The following CACNG5 variants were observed in gnomAD, a reference collection of about 807,000 sequenced individuals.
CACNG5 encodes calcium voltage-gated channel auxiliary subunit gamma 5.
A neutral mutation model predicts 24.8 loss-of-function variants in CACNG5; 18 were observed. The observed-to-expected ratio is 0.73, with a 90% CI of 0.50 to 1.08. The LOEUF (loss-of-function observed/expected upper bound fraction) is 1.08. Among genes scored for constraint, CACNG5 ranks in the 50% least tolerant of loss-of-function variants. CACNG5 has a pLI of 0.00. For synonymous variants in CACNG5, 157 were observed against 149.1 expected (o/e 1.05, Z -0.39); for missense variants, 349 against 367.9 (o/e 0.95, Z 0.42).
rs1977363312 is a variant in CACNG5 at position 66,892,846 on chromosome 17, A to G, written c.*7606A>G. On this transcript the variant is annotated 3_prime_UTR_variant, in exon 6 of 6. Coordinates refer to ENST00000533854, the MANE Select transcript of CACNG5 (RefSeq NM_145811.3). ...GTGTCCTAAATGATCAATTCTGGAG[A>G]GCATCCTACAAGGTCTGTTTACAGG... 6.6e-6 allele frequency among the ~76,000 whole-genome samples: 1 copy of G among 152,186 alleles called. No individual in the cohort carries two copies. The highest frequency in any genetic ancestry group is 2.4e-5 in the African/African-American group (1 of 41,426).
At chr17:66,875,206 C>T (rs907811422) in intron 1 of CACNG5, among the ~76,000 whole-genome samples, 8 of 152,158 alleles carry the variant, frequency 5.3e-5, no homozygotes, top group South Asian at 2.1e-4. Flanking sequence ...GGCTTATAGG[C>T]GCTTTACTAG....
chr17:66,885,186 C>T lies in CACNG5; in HGVS notation c.774C>T (p.Tyr258=). ...SEASLQMNSN[Y]PALLKCPDYD... is the part of the protein sequence containing the mutation. ...CCTCCCTGCAGATGAACAGCAACTA[C>T]CCCGCCTTGCTCAAGTGCCCCGACT... Residue 258 remains tyrosine, a synonymous_variant, in exon 6 of 6, where the codon TAC becomes TAT. Transcript: ENST00000533854. 6.2e-7 allele frequency: 1 copy of T among 1,609,178 alleles called. No individual in the cohort carries two copies. The highest frequency in any genetic ancestry group is 8.5e-7 in the Non-Finnish European group (1 of 1,179,564).
rs117904971 is a variant in CACNG5 at position 66,869,376 on chromosome 17, G to A, written c.-103-7854G>A. Among the ~76,000 whole-genome samples, 1,234 of 152,252 alleles carry A rather than the reference G, an allele frequency of 8.1e-3. 8 individuals are homozygous for A. Among genetic ancestry groups the A allele is most frequent in the Non-Finnish European group, 0.014 (954 of 68,014 alleles). ...TGGGATTACAGGTGTGAGCCAACTC[G>A]CCTGGCCAAGTTGTGCTACTTTCTG... On this transcript the variant is annotated intron_variant, in intron 1 of 5. Transcript: ENST00000533854.
At chr17:66,858,336 T>C (rs1440129469) in intron 1 of CACNG5, among the ~76,000 whole-genome samples, 1 of 152,128 alleles carries the variant, frequency 6.6e-6, no homozygotes, top group Non-Finnish European at 1.5e-5. Context: ...AGCCATTTGA[T>C]GACAGCCCAG....
At chr17:66,864,706 T>C (rs1228980925) in intron 1 of CACNG5, among the ~76,000 whole-genome samples, 1 of 152,228 alleles carries the variant, frequency 6.6e-6, no homozygotes, top group East Asian at 1.9e-4. Flanking sequence ...TCAATAAGCA[T>C]GAATAGCTGG....
intron 1 of CACNG5, among the ~76,000 whole-genome samples, chr17:66,836,436 G>A (rs1379274108): frequency 6.6e-6 from 1 of 152,190 alleles, no homozygotes; most frequent in Non-Finnish European, 1.5e-5. Context: ...TGTGGGTGTG[G>A]GACCTTGATT....
In CACNG5 at chr17:66,885,131, G is replaced by T; in HGVS notation, c.719G>T (p.Gly240Val). Residue 240 changes from glycine (G) to valine (V), a missense_variant, in exon 6 of 6, where the codon GGC (glycine) becomes GTC (valine). Gly to Val is a moderately radical substitution (Grantham distance 109). Coordinates refer to ENST00000533854, the MANE Select transcript of CACNG5 (RefSeq NM_145811.3). ...QFLHPDAWVR[G>V]RSPSDISSEA... ...CTACACCCAGACGCCTGGGTCAGGG[G>T]CCGCAGCCCCTCCGACATCTCCAGC... The T allele has an allele frequency of 6.2e-7, 1 of 1,614,008 alleles. No homozygotes were observed. The highest frequency in any genetic ancestry group is 8.5e-7 in the Non-Finnish European group (1 of 1,180,026).
intron 1 of CACNG5, among the ~76,000 whole-genome samples, chr17:66,850,714 A>G (rs1425783195): frequency 6.6e-6 from 1 of 152,134 alleles, no homozygotes; most frequent in East Asian, 1.9e-4. Flanking sequence ...TCCTCCATCC[A>G]TAATGTGGGG....
chr17:66,863,819 A>C (rs1487116960), intron 1 of CACNG5, among the ~76,000 whole-genome samples: 10 of 152,106 alleles, frequency 6.6e-5, no homozygotes, highest in Admixed American at 6.6e-4. Context: ...AACTTTCCTC[A>C]ATTTTTGTTT....
intron 1 of CACNG5, among the ~76,000 whole-genome samples, chr17:66,853,843 G>A (rs1043759825): frequency 7.9e-5 from 12 of 151,930 alleles, no homozygotes; most frequent in African/African-American, 2.7e-4. Flanking sequence ...CATATGTAAC[G>A]GTAAAATGTT....
At chr17:66,839,666 T>G (rs1300520065) in intron 1 of CACNG5, among the ~76,000 whole-genome samples, 3 of 71,606 alleles carry the variant, frequency 4.2e-5, no homozygotes, top group East Asian at 1.7e-3. Flanking sequence ...TGGAGGAACA[T>G]GGAGGGGGGT....
At chr17:66,884,843 C>A (rs770520938) in intron 5 of CACNG5, 140 bp from the exon 6 acceptor site, 1 of 1,613,332 alleles carries the variant, frequency 6.2e-7, no homozygotes, top group African/African-American at 1.3e-5. Flanking sequence ...TCTCCTCCGG[C>A]CAGGATGTCC....
chr17:66,844,962 CA>C (rs1976616683), intron 1 of CACNG5, among the ~76,000 whole-genome samples: 3 of 152,142 alleles, frequency 2.0e-5, no homozygotes, highest in Admixed American at 6.5e-5. Context: ...TCATTTAAAA[CA>C]AAAACTATTC....
intron 1 of CACNG5, among the ~76,000 whole-genome samples, chr17:66,856,399 G>GT (rs1458110236): frequency 2.0e-5 from 3 of 152,160 alleles, no homozygotes; most frequent in Non-Finnish European, 4.4e-5. Flanking sequence ...ACTCAATGTA[G>GT]TTTTTTACCC....
At chr17:66,868,376 C>T (rs1479029640) in intron 1 of CACNG5, among the ~76,000 whole-genome samples, 1 of 152,178 alleles carries the variant, frequency 6.6e-6, no homozygotes, top group Non-Finnish European at 1.5e-5. Flanking sequence ...TGTGGCTTTG[C>T]TTTTAGTCTT....
At chr17:66,858,642 A>G (rs1363473282) in intron 1 of CACNG5, among the ~76,000 whole-genome samples, 3 of 151,876 alleles carry the variant, frequency 2.0e-5, no homozygotes, top group African/African-American at 7.3e-5. Context: ...CCAGCAGCAC[A>G]TTGCTGGCTG....
At position 66,887,952 on chromosome 17, in the gene CACNG5, C is replaced by G. The variant is rs992232180; in HGVS notation, c.*2712C>G. Among the ~76,000 whole-genome samples the G allele has an allele frequency of 3.3e-5, 5 of 152,102 alleles. No individual in the cohort carries two copies. In the South Asian group the frequency reaches 1.0e-3, roughly 31 times the overall value. On this transcript the variant is annotated 3_prime_UTR_variant, in exon 6 of 6. Transcript: ENST00000533854. ...TTGCAGCCTCTCCTCAATCAGGAGA[C>G]TTTTACCAAACGTTAACATGTACAA...
intron 1 of CACNG5, among the ~76,000 whole-genome samples, chr17:66,851,697 G>A (rs1387889106): frequency 6.6e-6 from 1 of 152,000 alleles, no homozygotes; most frequent in African/African-American, 2.4e-5. Context: ...ATACCGGAAA[G>A]GGAAAAAGAG....
chr17:66,851,014 A>T (rs1482568473), intron 1 of CACNG5, among the ~76,000 whole-genome samples: 5 of 152,030 alleles, frequency 3.3e-5, no homozygotes, highest in Admixed American at 6.5e-5. Flanking sequence ...GGACTGTAAA[A>T]CGTGGTCTTG....
Sources: allele counts gnomAD v4.1 joint callset (sites outside exome capture counted in the v4.1 genomes callset), GRCh38; gene constraint gnomAD v4.1.1; transcripts MANE v1.5; gene names NCBI Gene and HGNC (gene_info 2026-07-23, HGNC 2026-07-21).